COA1: variants seen among roughly 807,000 people sequenced by gnomAD.
COA1 encodes cytochrome c oxidase assembly factor 1 homolog.
A neutral mutation model predicts 16.0 loss-of-function variants in COA1; 13 were observed. The observed-to-expected ratio is 0.81, with a 90% CI of 0.53 to 1.29. The LOEUF (loss-of-function observed/expected upper bound fraction) is 1.29, where lower values mean the gene tolerates loss of function less well. Ranked by LOEUF, COA1 falls within the 50% of genes most tolerant of loss-of-function variation. The pLI is 0.00. For synonymous variants in COA1, 65 were observed against 65.7 expected (o/e 0.99, Z 0.05); for missense variants, 179 against 177.0 (o/e 1.01, Z -0.06).
At chr7:43,638,767 A>C (rs1182061246), downstream of COA1, 2 of 151,884 alleles carry the variant, frequency 1.3e-5, no homozygotes, top group Non-Finnish European at 2.9e-5. Context: ...AGTAGAGACG[A>C]GGTTTCACCA....
At chr7:43,675,155 G>C (rs1374883431) in intron 1 of COA1, among the ~76,000 whole-genome samples, 1 of 152,068 alleles carries the variant, frequency 6.6e-6, no homozygotes, top group African/African-American at 2.4e-5. Flanking sequence ...ACTATTTCAA[G>C]CAATAGCAAA....
chr7:43,638,573 T>TCC, downstream of COA1, among the ~76,000 whole-genome samples: 3 of 19,874 alleles, frequency 1.5e-4, no homozygotes, highest in African/African-American at 7.1e-4. Flanking sequence ...TTCCTTTTTT[T>TCC]TTTTTTTTTT....
At position 43,645,531 on chromosome 7, in the gene COA1, T is replaced by G. The variant is rs993924615; in HGVS notation, c.116-132A>C. ...GTGAAATCTGTGGATGGACGAATAA[T>G]TAAGGCCATCTACTCTAAATTGTCC... is the stretch of plus-strand genomic sequence containing the variant. On this transcript the variant is annotated intron_variant, in intron 3 of 5. Coordinates refer to ENST00000223336, the MANE Select transcript of COA1 (RefSeq NM_018224.4). The G allele has an allele frequency of 6.4e-6, 5 of 777,162 alleles. No homozygotes were observed. The African/African-American group carries it at 8.7e-5, about 14-fold the overall frequency. The allele number at this position is 777,162 out of a possible 1,614,324, so 48.1% of individuals were successfully genotyped here. A position where few individuals can be genotyped will look rare whatever the true frequency, so the allele number is the denominator to read the frequency against.
At chr7:43,705,153 T>C (rs1360686106) in intron 1 of COA1, among the ~76,000 whole-genome samples, 1 of 152,226 alleles carries the variant, frequency 6.6e-6, no homozygotes, top group Non-Finnish European at 1.5e-5. Context: ...TTCTGGCTCC[T>C]TGAGGTTAAG....
intron 1 of COA1, among the ~76,000 whole-genome samples, chr7:43,715,114 T>C (rs2095359978): frequency 6.6e-6 from 1 of 151,940 alleles, no homozygotes; most frequent in Non-Finnish European, 1.5e-5. Context: ...GAAGTTATCA[T>C]TCTTAATATG....
At chr7:43,712,558 G>A (rs1158664234) in intron 1 of COA1, among the ~76,000 whole-genome samples, 2 of 152,264 alleles carry the variant, frequency 1.3e-5, no homozygotes, top group Admixed American at 6.5e-5. Context: ...ACCACACGGT[G>A]TCCTGAAATT....
intron 1 of COA1, among the ~76,000 whole-genome samples, chr7:43,691,815 G>C (rs1169395111): frequency 1.3e-5 from 2 of 152,194 alleles, no homozygotes; most frequent in Non-Finnish European, 2.9e-5. Context: ...CAGCACTCAG[G>C]TAGCAGACCT....
At chr7:43,676,576 T>G (rs1028884293) in intron 1 of COA1, among the ~76,000 whole-genome samples, 1 of 152,150 alleles carries the variant, frequency 6.6e-6, no homozygotes, top group Non-Finnish European at 1.5e-5. Flanking sequence ...GAACAGAAGA[T>G]TCTAGTGTTC....
chr7:43,717,445 T>C (rs1348072760), intron 1 of COA1, among the ~76,000 whole-genome samples: 2 of 152,200 alleles, frequency 1.3e-5, no homozygotes, highest in African/African-American at 4.8e-5. Context: ...GAAACCCCTT[T>C]GTTTTGGCCA....
downstream of COA1, among the ~76,000 whole-genome samples, chr7:43,635,911 G>A (rs2085796241): frequency 3.9e-5 from 6 of 152,246 alleles, no homozygotes; most frequent in South Asian, 1.2e-3. Flanking sequence ...TGTATAGTAG[G>A]GGGTCTAATT....
chr7:43,614,713 T>G (rs1451421298), intron 6 of COA1, among the ~76,000 whole-genome samples: 1 of 152,236 alleles, frequency 6.6e-6, no homozygotes, highest in East Asian at 1.9e-4. Context: ...AACCTCTCTC[T>G]CAGTTGTTTA....
intron 6 of COA1, among the ~76,000 whole-genome samples, chr7:43,630,091 G>A (rs182117243): frequency 2.5e-4 from 38 of 152,214 alleles, no homozygotes; most frequent in Admixed American, 2.4e-3. Context: ...ACACTACACC[G>A]CGCGGGTGAA....
At chr7:43,647,291 G>A (rs913092597) in intron 3 of COA1, 9 of 538,860 alleles carry the variant, frequency 1.7e-5, no homozygotes, top group Admixed American at 3.2e-5. Context: ...AAAGCCCATC[G>A]TGCTTTGCTG....
At chr7:43,653,355 G>C (rs541076015) in intron 1 of COA1, among the ~76,000 whole-genome samples, 5 of 151,998 alleles carry the variant, frequency 3.3e-5, no homozygotes, top group African/African-American at 9.6e-5. Flanking sequence ...CAAAACAAAA[G>C]AAGGCTAAAC....
At chr7:43,716,171 T>C (rs923882006) in intron 1 of COA1, among the ~76,000 whole-genome samples, 4 of 152,164 alleles carry the variant, frequency 2.6e-5, no homozygotes, top group African/African-American at 9.7e-5. Flanking sequence ...TTGTTGAAGA[T>C]ACCCAAAAAT....
At chr7:43,700,659 C>T (rs2094701926) in intron 1 of COA1, among the ~76,000 whole-genome samples, 1 of 149,842 alleles carries the variant, frequency 6.7e-6, no homozygotes, top group African/African-American at 2.5e-5. Context: ...ATATTCAATG[C>T]TCACACTAAC....
chr7:43,669,453 G>A (rs1255386242), intron 1 of COA1, among the ~76,000 whole-genome samples: 6 of 151,920 alleles, frequency 3.9e-5, no homozygotes, highest in Non-Finnish European at 7.4e-5. Context: ...CAACACGGCC[G>A]CCCCCACATA....
At chr7:43,638,609 C>G (rs1296636353), downstream of COA1, among the ~76,000 whole-genome samples, 1 of 124,574 alleles carries the variant, frequency 8.0e-6, no homozygotes, top group Non-Finnish European at 1.6e-5. Context: ...GAGTTTTGCT[C>G]TTGTTGCCCA....
At chr7:43,708,805 T>C (rs1393689134) in intron 1 of COA1, among the ~76,000 whole-genome samples, 1 of 152,152 alleles carries the variant, frequency 6.6e-6, no homozygotes, top group African/African-American at 2.4e-5. Flanking sequence ...GTCCTTCCCA[T>C]ATCCTATACA....
Sources: gnomAD v4.1 joint callset for allele counts (sites outside exome capture counted in the v4.1 genomes callset) on GRCh38, gnomAD v4.1.1 for gene constraint, MANE v1.5 for transcripts, NCBI Gene and HGNC (gene_info 2026-07-23, HGNC 2026-07-21) for gene names.